FAT2: variants seen among roughly 807,000 people sequenced by gnomAD.
The protein encoded by FAT2 is protocadherin Fat 2.
Under a neutral mutation model 295.3 loss-of-function variants are expected in FAT2, and 150 were observed. The observed-to-expected ratio is 0.51, with a 90% confidence interval of 0.44 to 0.58. The LOEUF (loss-of-function observed/expected upper bound fraction) is 0.58. Ranked by LOEUF, FAT2 falls within the 20% of genes least tolerant of loss-of-function variation. The pLI is 0.00. For missense variants in FAT2, 4,868 were observed against 5,442.7 expected (o/e 0.89, Z 3.32); for synonymous variants, 2,026 against 2,150.3 (o/e 0.94, Z 1.60).
chr5:151,556,802 A>G (rs1469459315), intron 3 of FAT2, among the ~76,000 whole-genome samples: 1 of 152,178 alleles, frequency 6.6e-6, no homozygotes, highest in Non-Finnish European at 1.5e-5. Flanking sequence ...AGGCTAAGGT[A>G]TCATGTTCTG....
At chr5:151,585,429 A>G (rs1033005953) in intron 1 of FAT2, among the ~76,000 whole-genome samples, 5 of 152,240 alleles carry the variant, frequency 3.3e-5, no homozygotes, top group African/African-American at 1.2e-4. Flanking sequence ...CCCGACCAAC[A>G]TGGTGAAACC....
At chr5:151,578,934 G>C (rs533925664) in intron 1 of FAT2, among the ~76,000 whole-genome samples, 1 of 152,300 alleles carries the variant, frequency 6.6e-6, no homozygotes, top group East Asian at 1.9e-4. Context: ...ACTCTAAAAA[G>C]GTTAAACTCA....
At chr5:151,584,633 C>T (rs186346378) in intron 1 of FAT2, among the ~76,000 whole-genome samples, 55 of 152,274 alleles carry the variant, frequency 3.6e-4, no homozygotes, top group African/African-American at 1.2e-3. Context: ...ACTTAGTGAG[C>T]GCTTGTGCTG....
rs191213470 is a variant in FAT2 at position 151,546,451 on chromosome 5, T to C, written c.4790-114A>G. The C allele has an allele frequency of 4.3e-5, 29 of 681,826 alleles. No individual in the cohort carries two copies. The African/African-American group carries it at 4.8e-4, about 11-fold the overall frequency. 42.2% of individuals were successfully genotyped at this position (681,826 alleles called of 1,614,324 possible). The stretch of plus-strand genomic sequence containing the variant: ...AAACCTGGACAGAGCAAAATCTGCA[T>C]ATAGTGTATACCCACCCTGGATATA... On this transcript the variant is annotated intron_variant, in intron 9 of 23. Coordinates refer to ENST00000261800, the MANE Select transcript of FAT2 (RefSeq NM_001447.3).
intron 17 of FAT2, among the ~76,000 whole-genome samples, chr5:151,526,280 T>G (rs1481774558): frequency 6.6e-6 from 1 of 152,242 alleles, no homozygotes; most frequent in African/African-American, 2.4e-5. Context: ...GATCACACAC[T>G]GCTGAATCAT....
At chr5:151,551,334 A>G in intron 7 of FAT2, 133 bp downstream of exon 7, 1 of 928,944 alleles carries the variant, frequency 1.1e-6, no homozygotes, top group East Asian at 2.4e-5. Context: ...AGTGTATTAG[A>G]CAAGAACTTT....
At chr5:151,576,009 G>A (rs79714186) in intron 1 of FAT2, among the ~76,000 whole-genome samples, 6,703 of 152,240 alleles carry the variant, frequency 0.044, 209 homozygotes, top group South Asian at 0.13. Flanking sequence ...AAAGAGCACG[G>A]CATAGGAACC....
intron 14 of FAT2, among the ~76,000 whole-genome samples, chr5:151,530,848 G>C (rs947572607): frequency 6.6e-6 from 1 of 152,160 alleles, no homozygotes; most frequent in African/African-American, 2.4e-5. Flanking sequence ...ACTGAAGCTG[G>C]GTGGTGGGAA....
chr5:151,544,426 T>TCA lies in FAT2; in HGVS notation c.6699_6700dup (p.Glu2234ValfsTer29), dbSNP rs1756429867. ...TGTGAACACATGTTTGGTCTTGGACTCATAGTCCAAAGGCCCTGTTACTGT... is the reference window on the plus strand; with the variant it reads ...TGTGAACACATGTTTGGTCTTGGACTCACATAGTCCAAAGGCCCTGTTACTGT... On this transcript the variant is annotated frameshift_variant, in exon 10 of 24. Coordinates refer to ENST00000261800, the MANE Select transcript of FAT2 (RefSeq NM_001447.3). LOFTEE classifies it high-confidence loss of function. 1 of 1,614,092 alleles carries TCA rather than the reference T, an allele frequency of 6.2e-7. No individual in the cohort carries two copies.
At chr5:151,573,826 A>T (rs1581463704) in intron 1 of FAT2, among the ~76,000 whole-genome samples, 1 of 152,190 alleles carries the variant, frequency 6.6e-6, no homozygotes, top group Admixed American at 6.5e-5. Context: ...TGATTCCGAC[A>T]TTCAGAAACC....
rs1758109896 is a variant in FAT2, at chr5:151,563,375, T to C, written c.3524A>G (p.Asn1175Ser). The C allele has an allele frequency of 6.2e-7, 1 of 1,614,228 alleles. No homozygotes were observed. The highest frequency in any genetic ancestry group is 1.1e-5 in the South Asian group (1 of 91,086). ...TCCCATGTAGTTCCCACTGGTGATGTTGAAGGTCAGCTTCCCTTTGGAGCT... is the reference window on the plus strand; with the variant it reads ...TCCCATGTAGTTCCCACTGGTGATGCTGAAGGTCAGCTTCCCTTTGGAGCT... Reference protein sequence around the residue: ...DSSSKGKLTFNITSGNYMGFF... With the variant: ...DSSSKGKLTFSITSGNYMGFF... Residue 1175 changes from asparagine to serine, a missense_variant, in exon 3 of 24, where the codon AAC becomes AGC. Coordinates refer to ENST00000261800, the MANE Select transcript of FAT2 (RefSeq NM_001447.3).
In FAT2 at chr5:151,545,388, A is replaced by G. The variant is rs780542370; in HGVS notation, c.5739T>C (p.Asp1913=). Residue 1913 remains aspartate (D), a synonymous_variant, in exon 10 of 24, where the codon GAT becomes GAC. Transcript: ENST00000261800. ...VNYSIKTGNA[D]EAVTIHPVTG... ...TGACAGGATGGATGGTAACAGCTTC[A>G]TCAGCATTGCCAGTTTTGATGCTAT... 2 of 1,614,188 alleles carry G rather than the reference A, an allele frequency of 1.2e-6. No homozygotes were observed. The highest frequency in any genetic ancestry group is 1.7e-6 in the Non-Finnish European group (2 of 1,180,038).
At chr5:151,576,158 A>G (rs1053184766) in intron 1 of FAT2, among the ~76,000 whole-genome samples, 2 of 152,210 alleles carry the variant, frequency 1.3e-5, no homozygotes, top group Non-Finnish European at 2.9e-5. Flanking sequence ...TTGAGATCTT[A>G]ATATGTGGGC....
intron 3 of FAT2, among the ~76,000 whole-genome samples, chr5:151,558,822 G>T (rs921101129): frequency 6.6e-6 from 1 of 152,178 alleles, no homozygotes; most frequent in Non-Finnish European, 1.5e-5. Context: ...AATTGAAGAA[G>T]TTGGGTAGAG....
intron 1 of FAT2, among the ~76,000 whole-genome samples, chr5:151,581,104 G>A (rs1279232164): frequency 6.6e-6 from 1 of 152,248 alleles, no homozygotes; most frequent in African/African-American, 2.4e-5. Context: ...AGGTTCTGGA[G>A]AGGGGCTACC....
intron 12 of FAT2, among the ~76,000 whole-genome samples, chr5:151,536,953 C>G (rs1406660239): frequency 2.6e-5 from 4 of 152,168 alleles, no homozygotes; most frequent in Non-Finnish European, 1.5e-5. Context: ...ACTATTTCCC[C>G]AAAGAAGGTC....
rs1756550162 is a variant in FAT2 at position 151,545,649 on chromosome 5, T to C, written c.5478A>G (p.Ser1826=). ...AGGGCATGCTCTCATAATCCATCTC[T>C]GATACAATGGTTAGGGTTCCCATGC... The part of the protein sequence containing the change: ...DPSMGTLTIV[S]EMDYESMPSF... The change falls in exon 10 of 24, where the codon TCA becomes TCG. Residue 1826 remains serine (S), a synonymous_variant. Transcript: ENST00000261800. 1 of 1,614,110 alleles carries C rather than the reference T, an allele frequency of 6.2e-7. No individual in the cohort carries two copies. The highest frequency in any genetic ancestry group is 1.3e-5 in the African/African-American group (1 of 74,944).
chr5:151,566,979 G>T lies in FAT2; in HGVS notation c.1953C>A (p.Pro651=). Residue 651 remains proline (P), a synonymous_variant, in exon 2 of 24, where the codon CCC becomes CCA. Transcript: ENST00000261800. ...TCACCACAGTAATATTCAAAGTTGT[G>T]GGTGAGGCATAGTTTTTGCCATCTG... ...TASDGKNYAS[P]TTLNITVVKD... is the part of the protein sequence containing the mutation. The T allele has an allele frequency of 6.2e-7, 1 of 1,614,052 alleles. No individual in the cohort carries two copies. Among genetic ancestry groups the T allele is most frequent in the Non-Finnish European group, 8.5e-7 (1 of 1,179,982 alleles).
In FAT2 at chr5:151,540,722, C is replaced by G. The variant is rs775795073; in HGVS notation, c.8884G>C (p.Asp2962His). The change falls in exon 11 of 24, where the codon GAT (aspartate) becomes CAT (histidine). Residue 2962 changes from aspartate to histidine, a missense_variant. This residue lies in a region of FAT2 where 3,297 missense variants were observed against 3,669.4 expected (regional missense o/e 0.90). Coordinates refer to ENST00000261800, the MANE Select transcript of FAT2 (RefSeq NM_001447.3). The stretch of plus-strand genomic sequence containing the variant: ...TTCCTTGAGGAAATCCTCCACTCAT[C>G]TCCAACTTGGCTGATGCCAAACTGG... ...LGQFGISQVG[D>H]EWRISSRKTL... 1.9e-6 allele frequency: 3 copies of G among 1,614,072 alleles called. No homozygotes were observed. The highest frequency in any genetic ancestry group is 1.3e-5 in the African/African-American group (1 of 74,952).
Sources: gnomAD v4.1 joint callset for allele counts (sites outside exome capture counted in the v4.1 genomes callset) on GRCh38, gnomAD v4.1.1 for gene constraint, gnomAD v4.1.1 regional missense constraint, MANE v1.5 for transcripts, NCBI Gene and HGNC (gene_info 2026-07-23, HGNC 2026-07-21) for gene names.